The following GRM8 variants were observed in gnomAD, a reference collection of about 807,000 sequenced individuals.
The protein encoded by GRM8 is glutamate metabotropic receptor 8, also known as metabotropic glutamate receptor 8.
GRM8 carries 47 observed loss-of-function variants against 87.2 expected under a neutral mutation model. The ratio of observed to expected loss-of-function variants is 0.54; its 90% CI spans 0.43 to 0.69. The LOEUF is 0.69. Among genes scored for constraint, GRM8 ranks in the 30% least tolerant of loss-of-function variants. The pLI is 0.00. For missense variants in GRM8, 1,019 were observed against 1,139.2 expected (o/e 0.89, Z 1.52); for synonymous variants, 396 against 404.5 (o/e 0.98, Z 0.25).
At chr7:127,178,632 T>G (rs1794252827) in intron 2 of GRM8, among the ~76,000 whole-genome samples, 2 of 152,198 alleles carry the variant, frequency 1.3e-5, no homozygotes, top group Non-Finnish European at 2.9e-5. Context: ...AAGAAAAACC[T>G]ATCAGATTAA....
intron 7 of GRM8, among the ~76,000 whole-genome samples, chr7:126,645,508 C>T (rs1190211661): frequency 6.6e-6 from 1 of 152,174 alleles, no homozygotes; most frequent in South Asian, 2.1e-4. Flanking sequence ...CCATAAAAAC[C>T]CTAGCCTCCA....
At chr7:126,507,561 C>T (rs1024959358) in intron 9 of GRM8, among the ~76,000 whole-genome samples, 3 of 151,868 alleles carry the variant, frequency 2.0e-5, no homozygotes, top group Admixed American at 6.6e-5. Context: ...ATCCATATTG[C>T]CAAATTGCAA....
chr7:126,955,887 C>G (rs1808625321), intron 3 of GRM8, among the ~76,000 whole-genome samples: 1 of 152,038 alleles, frequency 6.6e-6, no homozygotes. Context: ...CTGATGTTTG[C>G]TATGGGGGAT....
intron 8 of GRM8, among the ~76,000 whole-genome samples, chr7:126,534,638 C>A (rs1233746134): frequency 6.6e-6 from 1 of 152,102 alleles, no homozygotes; most frequent in Admixed American, 6.5e-5. Context: ...CCTTAAAATC[C>A]AACCTTATGC....
chr7:126,487,713 A>T (rs1296266374), intron 9 of GRM8, among the ~76,000 whole-genome samples: 1 of 152,048 alleles, frequency 6.6e-6, no homozygotes, highest in Non-Finnish European at 1.5e-5. Flanking sequence ...TTTACTATAG[A>T]ATATAAAAAA....
intron 3 of GRM8, among the ~76,000 whole-genome samples, chr7:127,096,691 T>C (rs1186421991): frequency 6.6e-6 from 1 of 152,140 alleles, no homozygotes; most frequent in Non-Finnish European, 1.5e-5. Context: ...GGGCACAACA[T>C]GATTAAGTAA....
chr7:126,579,319 C>T (rs1188501502), intron 8 of GRM8, among the ~76,000 whole-genome samples: 1 of 152,070 alleles, frequency 6.6e-6, no homozygotes, highest in Non-Finnish European at 1.5e-5. Flanking sequence ...CTATGGCTCC[C>T]ATAAATAATA....
chr7:127,218,656 G>A (rs1796723489), intron 2 of GRM8, among the ~76,000 whole-genome samples: 1 of 152,090 alleles, frequency 6.6e-6, no homozygotes, highest in Non-Finnish European at 1.5e-5. Flanking sequence ...TTGGGGCGTG[G>A]TACTTGTCCC....
At chr7:126,848,548 A>G (rs982725882) in intron 6 of GRM8, among the ~76,000 whole-genome samples, 8 of 152,208 alleles carry the variant, frequency 5.3e-5, no homozygotes, top group African/African-American at 1.9e-4. Flanking sequence ...CAGGCTGGGC[A>G]TGATGGCTCA....
At chr7:127,240,976 T>A (rs554673230) in intron 2 of GRM8, among the ~76,000 whole-genome samples, 23 of 152,320 alleles carry the variant, frequency 1.5e-4, no homozygotes, top group African/African-American at 5.5e-4. Context: ...TCTGGCTACA[T>A]GTTTTAATTG....
chr7:127,046,527 G>A (rs1440238560), intron 3 of GRM8, among the ~76,000 whole-genome samples: 1 of 152,142 alleles, frequency 6.6e-6, no homozygotes. Flanking sequence ...AATTTCAAAT[G>A]GGAATAATAG....
intron 7 of GRM8, among the ~76,000 whole-genome samples, chr7:126,684,585 C>T (rs1338864618): frequency 6.6e-6 from 1 of 152,180 alleles, no homozygotes; most frequent in Non-Finnish European, 1.5e-5. Flanking sequence ...CCCAAGAGCA[C>T]CTTCTGAAAA....
At chr7:126,887,708 T>C (rs960830363) in intron 6 of GRM8, among the ~76,000 whole-genome samples, 10 of 152,060 alleles carry the variant, frequency 6.6e-5, no homozygotes, top group Non-Finnish European at 1.5e-4. Flanking sequence ...TAATCATCTG[T>C]CCTAAAAGGT....
intron 2 of GRM8, among the ~76,000 whole-genome samples, chr7:127,227,141 C>T (rs1797381451): frequency 6.6e-6 from 1 of 152,152 alleles, no homozygotes; most frequent in Admixed American, 6.5e-5. Flanking sequence ...AGGAAGGAGG[C>T]GGACTCTGTA....
intron 3 of GRM8, among the ~76,000 whole-genome samples, chr7:127,016,761 A>C (rs1815716119): frequency 6.6e-6 from 1 of 152,134 alleles, no homozygotes; most frequent in African/African-American, 2.4e-5. Context: ...GCCATGCAAA[A>C]GTTATACATT....
intron 6 of GRM8, among the ~76,000 whole-genome samples, chr7:126,781,593 G>A (rs1179016299): frequency 6.6e-6 from 1 of 152,064 alleles, no homozygotes; most frequent in African/African-American, 2.4e-5. Flanking sequence ...ATCTTTTTAA[G>A]ATTTTGTCAA....
chr7:127,051,793 T>C (rs1003086181), intron 3 of GRM8, among the ~76,000 whole-genome samples: 5 of 149,248 alleles, frequency 3.4e-5, no homozygotes, highest in African/African-American at 1.2e-4. Context: ...GCATACATTT[T>C]GATAACATTT....
At chr7:126,933,577 G>C (rs545945942) in intron 3 of GRM8, among the ~76,000 whole-genome samples, 1 of 152,284 alleles carries the variant, frequency 6.6e-6, no homozygotes, top group South Asian at 2.1e-4. Flanking sequence ...AATAACTCTG[G>C]ACATACCGGC....
chr7:126,992,662 T>C (rs1812772213), intron 3 of GRM8, among the ~76,000 whole-genome samples: 1 of 152,222 alleles, frequency 6.6e-6, no homozygotes, highest in Non-Finnish European at 1.5e-5. Flanking sequence ...CTTCAGTTTA[T>C]ATGTTGAAAC....
Sources: gnomAD v4.1 joint callset for allele counts (sites outside exome capture counted in the v4.1 genomes callset) on GRCh38, gnomAD v4.1.1 for gene constraint, MANE v1.5 for transcripts, NCBI Gene and HGNC (gene_info 2026-07-23, HGNC 2026-07-21) for gene names.